Variants in P3H2 observed in about 807,000 individuals in gnomAD.
P3H2 encodes the protein leprecan-like 1.
P3H2 carries 80 observed loss-of-function variants against 87.0 expected under a neutral mutation model. The ratio of observed to expected loss-of-function variants is 0.92; its 90% CI spans 0.77 to 1.11. The LOEUF is 1.11. Ranked by LOEUF, P3H2 falls within the 50% of genes least tolerant of loss-of-function variation. P3H2 has a pLI of 0.00. For synonymous variants in P3H2, 367 were observed against 359.3 expected (o/e 1.02, Z -0.24); for missense variants, 1,001 against 923.9 (o/e 1.08, Z -1.08).
chr3:190,089,023 C>T (rs1030129438), intron 1 of P3H2, among the ~76,000 whole-genome samples: 1 of 152,190 alleles, frequency 6.6e-6, no homozygotes, highest in Non-Finnish European at 1.5e-5. Flanking sequence ...CCATGGCCCC[C>T]GTGGTGTCCC....
intron 1 of P3H2, among the ~76,000 whole-genome samples, chr3:190,117,005 T>C (rs1712313900): frequency 6.6e-6 from 1 of 152,148 alleles, no homozygotes; most frequent in Non-Finnish European, 1.5e-5. Context: ...AAATCTGGCA[T>C]AAGGATAGCC....
At chr3:190,013,039 A>C (rs916936683) in intron 1 of P3H2, among the ~76,000 whole-genome samples, 1 of 152,220 alleles carries the variant, frequency 6.6e-6, no homozygotes, top group Non-Finnish European at 1.5e-5. Flanking sequence ...AAAGCTGTTC[A>C]TATGGTTGTT....
At chr3:189,998,692 T>C (rs1724122622) in intron 1 of P3H2, among the ~76,000 whole-genome samples, 1 of 152,190 alleles carries the variant, frequency 6.6e-6, no homozygotes, top group Non-Finnish European at 1.5e-5. Flanking sequence ...AGAAAAAAAC[T>C]TGTAAGAAGT....
rs147448936 is a variant in P3H2 at position 190,042,115 on chromosome 3, G to C, written c.481-46673C>G. Among the ~76,000 whole-genome samples the C allele has an allele frequency of 1.4e-3, 208 of 152,272 alleles. 3 individuals are homozygous for C. In the East Asian group the frequency reaches 0.027, roughly 20 times the overall value. ...ATGCAATGGTGGAGGAGTAGAGGGA[G>C]GGGTGGAAGAAAATTATTTATTTTG... On this transcript the variant is annotated intron_variant, in intron 1 of 14. Coordinates refer to ENST00000319332, the MANE Select transcript of P3H2 (RefSeq NM_018192.4).
At position 189,994,217 on chromosome 3, in the gene P3H2, C is replaced by T. The variant is rs752928706; in HGVS notation, c.700G>A (p.Glu234Lys). 1.2e-5 allele frequency: 19 copies of T among 1,613,660 alleles called. No homozygotes were observed. The highest frequency in any genetic ancestry group is 4.5e-5 in the East Asian group (2 of 44,894). ...DDFEMAIRHF[E>K]QALREYFVED... is the part of the protein sequence containing the mutation. ...ACGAAATATTCTCTTAAGGCTTGTTCGAAGTGCCTGATAGCCATCTCAAAG... is the reference window on the plus strand; with the variant it reads ...ACGAAATATTCTCTTAAGGCTTGTTTGAAGTGCCTGATAGCCATCTCAAAG... Residue 234 changes from glutamate to lysine, a missense_variant, in exon 3 of 15, where the codon GAA becomes AAA. Transcript: ENST00000319332.
intron 1 of P3H2, among the ~76,000 whole-genome samples, chr3:190,104,660 C>T (rs1577325982): frequency 6.6e-6 from 1 of 151,974 alleles, no homozygotes; most frequent in African/African-American, 2.4e-5. Flanking sequence ...ACGATATATT[C>T]GCTCAGAGAA....
intron 1 of P3H2, among the ~76,000 whole-genome samples, chr3:190,077,576 A>C (rs1056719559): frequency 2.0e-5 from 3 of 152,194 alleles, no homozygotes; most frequent in Admixed American, 6.6e-5. Flanking sequence ...CTATTGAAGA[A>C]ATCAGACAAG....
chr3:190,014,115 A>T (rs1185634406), intron 1 of P3H2, among the ~76,000 whole-genome samples: 1 of 152,218 alleles, frequency 6.6e-6, no homozygotes, highest in African/African-American at 2.4e-5. Flanking sequence ...TGATTCATGA[A>T]GAATGTAACA....
At chr3:189,990,630 T>G (rs1235731679) in intron 3 of P3H2, among the ~76,000 whole-genome samples, 1 of 152,246 alleles carries the variant, frequency 6.6e-6, no homozygotes, top group Non-Finnish European at 1.5e-5. Context: ...GAACTGTTAA[T>G]GTCTAACTCT....
intron 1 of P3H2, among the ~76,000 whole-genome samples, chr3:190,004,056 A>G (rs1383698285): frequency 3.3e-5 from 5 of 152,288 alleles, no homozygotes; most frequent in Middle Eastern, 3.4e-3. Flanking sequence ...AAAATAAATA[A>G]ATAGAAATCC....
At chr3:190,001,533 C>A (rs1328626977) in intron 1 of P3H2, among the ~76,000 whole-genome samples, 1 of 152,118 alleles carries the variant, frequency 6.6e-6, no homozygotes, top group African/African-American at 2.4e-5. Flanking sequence ...TTAAATTTCA[C>A]AATATAGTAA....
chr3:190,107,410 C>A (rs571015372), intron 1 of P3H2, among the ~76,000 whole-genome samples: 47 of 152,210 alleles, frequency 3.1e-4, no homozygotes, highest in Admixed American at 2.0e-3. Flanking sequence ...ATTTAGTCTA[C>A]GAATAAGGAT....
At chr3:190,111,460 T>C (rs1712066938) in intron 1 of P3H2, among the ~76,000 whole-genome samples, 2 of 152,112 alleles carry the variant, frequency 1.3e-5, no homozygotes, top group Non-Finnish European at 2.9e-5. Context: ...ATGCCTGGAA[T>C]ACTAGTGTTC....
intron 1 of P3H2, among the ~76,000 whole-genome samples, chr3:190,004,220 TTAG>T (rs906691746): frequency 2.6e-5 from 4 of 152,130 alleles, no homozygotes; most frequent in African/African-American, 9.7e-5. Context: ...TTTTATAATA[TTAG>T]TAATAAAAAT....
At chr3:190,085,958 GAATATT>G (rs1727198256) in intron 1 of P3H2, among the ~76,000 whole-genome samples, 1 of 152,034 alleles carries the variant, frequency 6.6e-6, no homozygotes, top group African/African-American at 2.4e-5. Context: ...AGAGAGATGG[GAATATT>G]CCATTGGGTG....
chr3:190,117,354 C>G (rs1219979572), intron 1 of P3H2, among the ~76,000 whole-genome samples: 1 of 152,150 alleles, frequency 6.6e-6, no homozygotes, highest in African/African-American at 2.4e-5. Context: ...TTTGGGGGAG[C>G]AGTAACATCT....
chr3:189,973,106 C>A (rs991716780), intron 10 of P3H2, 82 bp from the exon 11 acceptor site: 6 of 1,275,194 alleles, frequency 4.7e-6, no homozygotes, highest in African/African-American at 1.5e-5. Context: ...TGCATTGAGC[C>A]AATATAGGAT....
chr3:190,109,371 T>C (rs1001920896), intron 1 of P3H2, among the ~76,000 whole-genome samples: 1 of 152,190 alleles, frequency 6.6e-6, no homozygotes, highest in Non-Finnish European at 1.5e-5. Flanking sequence ...TTCTGTGAGT[T>C]GGCATTTTTG....
intron 1 of P3H2, among the ~76,000 whole-genome samples, chr3:190,054,055 A>C (rs6802669): frequency 0.031 from 4,664 of 152,204 alleles, 203 homozygotes; most frequent in African/African-American, 0.11. Context: ...CCATATATGC[A>C]GGGGCTTTAT....
Sources: allele counts gnomAD v4.1 joint callset (sites outside exome capture counted in the v4.1 genomes callset), GRCh38; gene constraint gnomAD v4.1.1; transcripts MANE v1.5; gene names NCBI Gene and HGNC (gene_info 2026-07-23, HGNC 2026-07-21).